Variants in DNAH7 observed in about 807,000 individuals in gnomAD.
The protein encoded by DNAH7 is axonemal beta dynein heavy chain 7.
A neutral mutation model predicts 444.6 loss-of-function variants in DNAH7; 397 were observed. The observed-to-expected ratio is 0.89, with a 90% CI of 0.82 to 0.97. DNAH7 has a LOEUF of 0.97. Among genes scored for constraint, DNAH7 ranks in the 50% least tolerant of loss-of-function variants. The pLI is 0.00. For missense variants in DNAH7, 4,902 were observed against 4,800.8 expected, an observed-to-expected ratio of 1.02 and a Z score of -0.62; for synonymous variants, 1,636 against 1,624.4, an observed-to-expected ratio of 1.01 and a Z score of -0.17.
At chr2:195,964,349 T>C (rs1691317269) in intron 17 of DNAH7, among the ~76,000 whole-genome samples, 1 of 152,166 alleles carries the variant, frequency 6.6e-6, no homozygotes, top group Non-Finnish European at 1.5e-5. Flanking sequence ...ATTGTAGAGA[T>C]CTGTGGCTTC....
rs75869184 is a variant in DNAH7 at position 195,789,106 on chromosome 2, G to A, written c.10717-1935C>T. Among the ~76,000 whole-genome samples, 355 of 152,186 alleles carry A rather than the reference G, an allele frequency of 2.3e-3. 1 individual carries two copies. The highest frequency in any genetic ancestry group is 7.9e-3 in the African/African-American group (330 of 41,524). ...CTGGGGCAAGATAGGTACACCATGA[G>A]CCTGGAACATCTTATGCCAGAAAGT... On this transcript the variant is annotated intron_variant, in intron 57 of 64. Coordinates refer to ENST00000312428, the MANE Select transcript of DNAH7 (RefSeq NM_018897.3).
At chr2:195,921,117 T>A (rs1333269436) in intron 24 of DNAH7, among the ~76,000 whole-genome samples, 2 of 152,220 alleles carry the variant, frequency 1.3e-5, no homozygotes, top group Non-Finnish European at 2.9e-5. Context: ...CTGGTAGGAA[T>A]GTAAACTATA....
chr2:195,957,412 A>T lies in DNAH7; in HGVS notation c.2927T>A (p.Ile976Asn), dbSNP rs753847969. The T allele has an allele frequency of 1.3e-6, 2 of 1,593,660 alleles. No homozygotes were observed. Among genetic ancestry groups the T allele is most frequent in the Admixed American group, 3.4e-5 (2 of 59,220 alleles). The change falls in exon 19 of 65, where the codon ATT (isoleucine) becomes AAT (asparagine). Residue 976 changes from isoleucine (I) to asparagine (N), a missense_variant. By Grantham distance (149) the Ile-to-Asn change is moderately radical. Coordinates refer to ENST00000312428, the MANE Select transcript of DNAH7 (RefSeq NM_018897.3). ...WEGKLLLLQE[I>N]LDEWLKVQAT... is the part of the protein sequence containing the mutation. Reference sequence around the variant, plus strand: ...TTGGACTTTGAGCCATTCATCCAGAATCTCCTGAAGCAGTAGGAGCTTGCC... The same window carrying T: ...TTGGACTTTGAGCCATTCATCCAGATTCTCCTGAAGCAGTAGGAGCTTGCC...
In DNAH7 at chr2:195,858,953, A is replaced by G. The variant is rs1699872889; in HGVS notation, c.7737-149T>C. Reference sequence around the variant, plus strand: ...TTTTCATATAAATGACAATCTGTCAAAACATGAAACCTAGAATGTCGGATT... The same window carrying G: ...TTTTCATATAAATGACAATCTGTCAGAACATGAAACCTAGAATGTCGGATT... On this transcript the variant is annotated intron_variant, in intron 42 of 64. Transcript: ENST00000312428. 3 of 650,314 alleles carry G rather than the reference A, an allele frequency of 4.6e-6. No individual in the cohort carries two copies. The East Asian group carries it at 8.2e-5, about 18-fold the overall frequency. 40.3% of individuals were successfully genotyped at this position (650,314 alleles called of 1,614,324 possible).
chr2:195,947,357 A>T (rs1043976584), intron 19 of DNAH7, among the ~76,000 whole-genome samples: 1 of 151,932 alleles, frequency 6.6e-6, no homozygotes, highest in African/African-American at 2.4e-5. Context: ...GGTTTGTTAC[A>T]TAGGTATACA....
intron 12 of DNAH7, chr2:195,998,954 GC>G: frequency 1.7e-6 from 1 of 602,928 alleles, no homozygotes; most frequent in Middle Eastern, 3.3e-4. Context: ...GTCATTATGT[GC>G]AGAAGTGAGC....
At chr2:195,965,285 T>C (rs1260348672) in intron 17 of DNAH7, among the ~76,000 whole-genome samples, 1 of 152,248 alleles carries the variant, frequency 6.6e-6, no homozygotes, top group Non-Finnish European at 1.5e-5. Context: ...GATATGTTTA[T>C]GTAGAACCAT....
intron 27 of DNAH7, chr2:195,902,450 A>T (rs1574716547): frequency 6.6e-6 from 1 of 152,330 alleles, no homozygotes; most frequent in Admixed American, 6.5e-5. Context: ...TAGGTTCTCA[A>T]CAACTACTTT....
chr2:195,916,827 T>C (rs961136852), intron 24 of DNAH7, among the ~76,000 whole-genome samples: 4 of 150,758 alleles, frequency 2.7e-5, no homozygotes, highest in Non-Finnish European at 4.4e-5. Flanking sequence ...CAGCCGGGCG[T>C]GGTGGCTCAC....
At chr2:195,866,533 A>G (rs957986381) in intron 40 of DNAH7, among the ~76,000 whole-genome samples, 9 of 152,250 alleles carry the variant, frequency 5.9e-5, no homozygotes, top group African/African-American at 2.2e-4. Flanking sequence ...AACTTCATGT[A>G]TCAGGATCAA....
chr2:195,960,285 T>G lies in DNAH7; in HGVS notation c.2866A>C (p.Ile956Leu). 6.2e-7 allele frequency: 1 copy of G among 1,611,982 alleles called. No individual in the cohort carries two copies. Among genetic ancestry groups the G allele is most frequent in the East Asian group, 2.2e-5 (1 of 44,868 alleles). Residue 956 changes from isoleucine to leucine, a missense_variant, in exon 18 of 65, where the codon ATT (isoleucine) becomes CTT (leucine). Physicochemically the swap from Ile to Leu is conservative, Grantham distance 5 (BLOSUM62 2). Coordinates refer to ENST00000312428, the MANE Select transcript of DNAH7 (RefSeq NM_018897.3). ...KTQTMRGSPF[I>L]KPYEKQMREW... Reference sequence around the variant, plus strand: ...CTCATTTGTTTTTCATAAGGCTTAATGAAAGGAGATCCTCGCATAGTTTGT... The same window carrying G: ...CTCATTTGTTTTTCATAAGGCTTAAGGAAAGGAGATCCTCGCATAGTTTGT...
intron 36 of DNAH7, among the ~76,000 whole-genome samples, chr2:195,878,702 A>T (rs967238977): frequency 5.3e-5 from 8 of 152,194 alleles, no homozygotes; most frequent in African/African-American, 1.9e-4. Context: ...ACAGAACTAA[A>T]TCTAACCATA....
chr2:196,052,263 G>T (rs1309097827), intron 2 of DNAH7, among the ~76,000 whole-genome samples: 1 of 152,176 alleles, frequency 6.6e-6, no homozygotes, highest in Non-Finnish European at 1.5e-5. Context: ...TGTTCCTTGA[G>T]CACTCTCTCT....
chr2:195,988,304 C>A, intron 12 of DNAH7, 75 bp from the exon 13 acceptor site: 1 of 1,236,604 alleles, frequency 8.1e-7, no homozygotes, highest in Non-Finnish European at 1.1e-6. Context: ...GTACAAACGC[C>A]AATCTTACAA....
At chr2:196,051,803 C>T (rs763645519) in intron 2 of DNAH7, among the ~76,000 whole-genome samples, 1 of 151,992 alleles carries the variant, frequency 6.6e-6, no homozygotes, top group Non-Finnish European at 1.5e-5. Context: ...CAAGTTCTAC[C>T]TAGGAACTAC....
rs1698219161 is a variant in DNAH7, at chr2:195,834,278, G to A, written c.9028C>T (p.Leu3010Phe). ...GGTTCACTAAGTTTAATCACATAAA[G>A]ACTATTGGCTTTTTCCATGTTCTTG... Reference protein sequence around the residue: ...WIKNMEKANSLYVIKLSEPDY... With the variant: ...WIKNMEKANSFYVIKLSEPDY... The change falls in exon 48 of 65, where the codon CTT becomes TTT. Residue 3010 changes from leucine to phenylalanine, a missense_variant. Physicochemically the swap from Leu to Phe is conservative, Grantham distance 22. Transcript: ENST00000312428. The A allele has an allele frequency of 6.2e-7, 1 of 1,609,624 alleles. No homozygotes were observed. The highest frequency in any genetic ancestry group is 1.1e-5 in the South Asian group (1 of 90,870).
At chr2:196,001,473 T>C (rs1488490605) in intron 11 of DNAH7, among the ~76,000 whole-genome samples, 1 of 152,116 alleles carries the variant, frequency 6.6e-6, no homozygotes, top group African/African-American at 2.4e-5. Context: ...CAAGTGCTCC[T>C]CTCACCTCAG....
At chr2:195,796,082 T>C (rs1017801077) in intron 56 of DNAH7, among the ~76,000 whole-genome samples, 4 of 152,168 alleles carry the variant, frequency 2.6e-5, no homozygotes, top group Non-Finnish European at 5.9e-5. Flanking sequence ...CACGACCCAC[T>C]GCAAGGTGGG....
intron 61 of DNAH7, among the ~76,000 whole-genome samples, chr2:195,762,358 G>C (rs187492544): frequency 3.0e-4 from 46 of 152,072 alleles, no homozygotes; most frequent in African/African-American, 1.1e-3. Flanking sequence ...ACAAAATGGC[G>C]GGAGTAAGTA....
Sources: allele counts gnomAD v4.1 joint callset (sites outside exome capture counted in the v4.1 genomes callset), GRCh38; gene constraint gnomAD v4.1.1; transcripts MANE v1.5; gene names NCBI Gene and HGNC (gene_info 2026-07-23, HGNC 2026-07-21).